Variants in ZCWPW2 observed in about 807,000 individuals in gnomAD.
The protein encoded by ZCWPW2 is zinc finger CW-type PWWP domain protein 2.
ZCWPW2 carries 45 observed loss-of-function variants against 46.6 expected under a neutral mutation model. That is an observed-to-expected ratio of 0.96 (90% confidence interval 0.76 to 1.24). The LOEUF is 1.24. ZCWPW2 is among the 50% of genes most tolerant of loss of function. The pLI is 0.00. For missense variants in ZCWPW2, 429 were observed against 403.9 expected (o/e 1.06, Z -0.53); for synonymous variants, 152 against 137.1 (o/e 1.11, Z -0.76).
chr3:28,383,820 A>G (rs1420768543), intron 1 of ZCWPW2, among the ~76,000 whole-genome samples: 1 of 152,174 alleles, frequency 6.6e-6, no homozygotes, highest in African/African-American at 2.4e-5. Flanking sequence ...CACACTTTTT[A>G]TAATGAATGA....
chr3:28,370,035 AT>A (rs1180745441), intron 1 of ZCWPW2, among the ~76,000 whole-genome samples: 1 of 152,076 alleles, frequency 6.6e-6, no homozygotes, highest in Non-Finnish European at 1.5e-5. Flanking sequence ...GAGTGACCTG[AT>A]TTTCCAGGTG....
intron 3 of ZCWPW2, among the ~76,000 whole-genome samples, chr3:28,426,159 T>C (rs1017939651): frequency 6.6e-6 from 1 of 151,806 alleles, no homozygotes; most frequent in East Asian, 1.9e-4. Context: ...CATTTTGCCT[T>C]TGCGTTTTAC....
intron 2 of ZCWPW2, among the ~76,000 whole-genome samples, chr3:28,391,598 G>C (rs1178255795): frequency 6.6e-6 from 1 of 152,194 alleles, no homozygotes; most frequent in Non-Finnish European, 1.5e-5. Context: ...TCAGCAGTGT[G>C]GCTTATGCTA....
chr3:28,449,182 C>T (rs1213242035), intron 4 of ZCWPW2, among the ~76,000 whole-genome samples: 1 of 152,078 alleles, frequency 6.6e-6, no homozygotes, highest in Non-Finnish European at 1.5e-5. Flanking sequence ...ATTGGCTAGT[C>T]ACATGCAAAA....
chr3:28,490,574 A>G (rs1366168183), intron 5 of ZCWPW2, among the ~76,000 whole-genome samples: 2 of 152,244 alleles, frequency 1.3e-5, no homozygotes, highest in East Asian at 3.9e-4. Context: ...AGGAACAGAC[A>G]ATCAAGTGCT....
At chr3:28,511,055 G>A (rs572106612) in intron 6 of ZCWPW2, 1 of 455,970 alleles carries the variant, frequency 2.2e-6, no homozygotes, top group Non-Finnish European at 4.4e-6. Flanking sequence ...TACCCCAGAT[G>A]TCAAGAAAGA....
intron 4 of ZCWPW2, among the ~76,000 whole-genome samples, chr3:28,457,519 G>T (rs1214776014): frequency 6.6e-6 from 1 of 152,182 alleles, no homozygotes; most frequent in Non-Finnish European, 1.5e-5. Context: ...GCAAATGAGT[G>T]CATGCTTATT....
chr3:28,391,678 G>C (rs1227594626), intron 2 of ZCWPW2, among the ~76,000 whole-genome samples: 1 of 152,094 alleles, frequency 6.6e-6, no homozygotes, highest in East Asian at 1.9e-4. Flanking sequence ...GTGTTTGTCA[G>C]CATGACCTCT....
At chr3:28,463,030 T>C (rs553743333) in intron 4 of ZCWPW2, among the ~76,000 whole-genome samples, 3 of 152,298 alleles carry the variant, frequency 2.0e-5, no homozygotes, top group Non-Finnish European at 4.4e-5. Flanking sequence ...TTCTCAGACA[T>C]AGAGCATTAT....
At chr3:28,458,683 C>T (rs1698514835) in intron 4 of ZCWPW2, among the ~76,000 whole-genome samples, 1 of 152,092 alleles carries the variant, frequency 6.6e-6, no homozygotes, top group South Asian at 2.1e-4. Context: ...CATAAGCATA[C>T]CAAATTCATA....
chr3:28,512,903 T>A (rs1700467029), intron 6 of ZCWPW2, among the ~76,000 whole-genome samples: 1 of 152,184 alleles, frequency 6.6e-6, no homozygotes. Flanking sequence ...ATTTTTAATT[T>A]AGGTTTATTG....
At chr3:28,503,962 G>C (rs1044235099) in intron 6 of ZCWPW2, among the ~76,000 whole-genome samples, 1 of 152,014 alleles carries the variant, frequency 6.6e-6, no homozygotes, top group African/African-American at 2.4e-5. Flanking sequence ...TTGGAAGGCT[G>C]AGGCAGGTGG....
At chr3:28,411,141 C>T (rs998149926) in intron 2 of ZCWPW2, among the ~76,000 whole-genome samples, 1 of 151,514 alleles carries the variant, frequency 6.6e-6, no homozygotes, top group Non-Finnish European at 1.5e-5. Context: ...TATTAATAAA[C>T]AAAATACAGC....
intron 2 of ZCWPW2, among the ~76,000 whole-genome samples, chr3:28,399,057 T>A (rs1479613910): frequency 2.0e-5 from 3 of 152,112 alleles, no homozygotes; most frequent in African/African-American, 7.2e-5. Context: ...TCAGCCCCAT[T>A]TGCCCACTGC....
At chr3:28,434,124 A>T (rs556310876) in intron 3 of ZCWPW2, among the ~76,000 whole-genome samples, 1 of 152,306 alleles carries the variant, frequency 6.6e-6, no homozygotes, top group South Asian at 2.1e-4. Flanking sequence ...TTTTACAGTG[A>T]TTATGTTCCC....
intron 1 of ZCWPW2, among the ~76,000 whole-genome samples, chr3:28,363,421 G>A (rs993223103): frequency 2.0e-5 from 3 of 152,026 alleles, no homozygotes; most frequent in African/African-American, 7.3e-5. Context: ...CTCATTCTTG[G>A]CAGATTGTTT....
rs1173597960 is a variant in ZCWPW2 at position 28,493,138 on chromosome 3, A to AT, written c.657+973dup. ...GTTTATCTTTATTTTTTTTTATTTT[A>AT]TTTTTTTTAATGTTTTTTTTTTTAT... is the stretch of plus-strand genomic sequence containing the variant. On this transcript the variant is annotated intron_variant, in intron 6 of 9. Coordinates refer to ENST00000383768, the MANE Select transcript of ZCWPW2 (RefSeq NM_001040432.4). 3.8e-3 allele frequency among the ~76,000 whole-genome samples: 218 copies of AT among 56,642 alleles called. 1 individual carries two copies. Among genetic ancestry groups the AT allele is most frequent in the African/African-American group, 0.016 (196 of 12,336 alleles). 37.2% of individuals were successfully genotyped at this position (56,642 alleles called of 152,430 possible). A position where few individuals can be genotyped will look rare whatever the true frequency, so the allele number is the denominator to read the frequency against.
intron 3 of ZCWPW2, among the ~76,000 whole-genome samples, chr3:28,417,573 T>A (rs1458107083): frequency 6.7e-6 from 1 of 150,328 alleles, no homozygotes; most frequent in Non-Finnish European, 1.5e-5. Context: ...AAAAGAGAAT[T>A]TTAGACCAAT....
intron 9 of ZCWPW2, among the ~76,000 whole-genome samples, chr3:28,521,891 G>C (rs1053361633): frequency 1.3e-5 from 2 of 152,174 alleles, no homozygotes; most frequent in African/African-American, 4.8e-5. Context: ...GGAGTCAAGA[G>C]AGCATATTGA....
Sources: allele counts gnomAD v4.1 joint callset (sites outside exome capture counted in the v4.1 genomes callset), GRCh38; gene constraint gnomAD v4.1.1; transcripts MANE v1.5; gene names NCBI Gene and HGNC (gene_info 2026-07-23, HGNC 2026-07-21).